TSNARE1: variants seen among roughly 807,000 people sequenced by gnomAD.
TSNARE1 encodes t-SNARE domain containing 1.
Under a neutral mutation model 62.0 loss-of-function variants are expected in TSNARE1, and 49 were observed. The ratio of observed to expected loss-of-function variants is 0.79; its 90% CI spans 0.63 to 1.00. TSNARE1 has a LOEUF of 1.00. Among genes scored for constraint, TSNARE1 ranks in the 50% least tolerant of loss-of-function variants. The pLI is 0.00. For synonymous variants in TSNARE1, 328 were observed against 294.4 expected, an observed-to-expected ratio of 1.11 and a Z score of -1.17; for missense variants, 755 against 700.1, an observed-to-expected ratio of 1.08 and a Z score of -0.88.
intron 13 of TSNARE1, among the ~76,000 whole-genome samples, chr8:142,220,770 CA>C (rs779355902): frequency 1.3e-5 from 2 of 152,220 alleles, no homozygotes; most frequent in Admixed American, 6.5e-5. Context: ...CAGTGCAGCC[CA>C]CCAGGTCTCA....
rs777258432 is a variant in TSNARE1 at position 142,344,214 on chromosome 8, C to T, written c.497G>A (p.Arg166His). The T allele has an allele frequency of 9.3e-6, 15 of 1,613,412 alleles. No homozygotes were observed. Among genetic ancestry groups the T allele is most frequent in the Admixed American group, 1.7e-5 (1 of 60,002 alleles). ...CAGCGCATTCACGGCCTGCAGGATGCGGCTCCACACGCGGTACCTGCGAGT... is the reference window on the plus strand; with the variant it reads ...CAGCGCATTCACGGCCTGCAGGATGTGGCTCCACACGCGGTACCTGCGAGT... Reference protein sequence around the residue: ...EPTRRYRVWSRILQAVNALGY... With the variant: ...EPTRRYRVWSHILQAVNALGY... Residue 166 changes from arginine (R) to histidine (H), a missense_variant, in exon 4 of 14, where the codon CGC (arginine) becomes CAC (histidine). By Grantham distance (29) the Arg-to-His change is conservative. Transcript: ENST00000524325.
At chr8:142,394,702 C>G (rs538198912) in intron 1 of TSNARE1, among the ~76,000 whole-genome samples, 1 of 152,302 alleles carries the variant, frequency 6.6e-6, no homozygotes, top group South Asian at 2.1e-4. Flanking sequence ...AAACAACTCC[C>G]ACCTCCCTGC....
intron 10 of TSNARE1, among the ~76,000 whole-genome samples, chr8:142,296,800 C>T (rs1013524948): frequency 6.6e-6 from 1 of 151,598 alleles, no homozygotes; most frequent in Non-Finnish European, 1.5e-5. Context: ...CTCGGCGGTC[C>T]CCACAGGCTC....
chr8:142,226,348 G>A (rs1053305595), intron 13 of TSNARE1, among the ~76,000 whole-genome samples: 1 of 152,154 alleles, frequency 6.6e-6, no homozygotes, highest in African/African-American at 2.4e-5. Flanking sequence ...TCACAGAGGC[G>A]ACACTGGCAG....
At chr8:142,367,794 G>A (rs1315590564) in intron 1 of TSNARE1, among the ~76,000 whole-genome samples, 3 of 152,096 alleles carry the variant, frequency 2.0e-5, no homozygotes, top group South Asian at 2.1e-4. Context: ...ATAGAGCCAC[G>A]TACACATGGA....
At chr8:142,278,438 C>T (rs920056731) in intron 11 of TSNARE1, 15 of 985,372 alleles carry the variant, frequency 1.5e-5, no homozygotes, top group Admixed American at 1.2e-4. Context: ...TCCGGGGCTT[C>T]GTTCCCAAAG....
At chr8:142,218,345 T>C (rs1170638475) in intron 13 of TSNARE1, among the ~76,000 whole-genome samples, 2 of 134,182 alleles carry the variant, frequency 1.5e-5, no homozygotes, top group Non-Finnish European at 1.6e-5. Context: ...GTGTCCACCC[T>C]GGAGAGCTGC....
chr8:142,239,661 G>A (rs898190162), intron 12 of TSNARE1, among the ~76,000 whole-genome samples: 3 of 152,244 alleles, frequency 2.0e-5, no homozygotes, highest in Non-Finnish European at 4.4e-5. Context: ...GGACTTAACA[G>A]GAAGCGTTAA....
At chr8:142,324,125 T>C (rs1309346693) in intron 6 of TSNARE1, among the ~76,000 whole-genome samples, 1 of 152,148 alleles carries the variant, frequency 6.6e-6, no homozygotes, top group Non-Finnish European at 1.5e-5. Flanking sequence ...ATAAGACCCA[T>C]TTGTCACCTC....
Position 142,291,421 on chromosome 8 carries a change from C to A in TSNARE1, c.1291-6936G>T, listed in dbSNP as rs1228302183. On this transcript the variant is annotated intron_variant, in intron 10 of 13. Coordinates refer to ENST00000524325, the MANE Select transcript of TSNARE1 (RefSeq NM_145003.5). This position sits in a 1 kb window ranked among gnomAD's most constrained non-coding sequence, Gnocchi z 4.8. ...CACTCTCACAGAGCTCTGGTGTGGG[C>A]TGAGACACATATAAATAATGTCAGC... Among the ~76,000 whole-genome samples the A allele has an allele frequency of 6.6e-6, 1 of 152,148 alleles. No homozygotes were observed. Among genetic ancestry groups the A allele is most frequent in the Non-Finnish European group, 1.5e-5 (1 of 68,048 alleles).
chr8:142,293,444 C>T (rs1378404348), intron 10 of TSNARE1, among the ~76,000 whole-genome samples: 8 of 152,252 alleles, frequency 5.3e-5, no homozygotes, highest in African/African-American at 1.7e-4. Flanking sequence ...TACACTCCAC[C>T]GTGGCACTTT....
intron 1 of TSNARE1, among the ~76,000 whole-genome samples, chr8:142,396,862 A>G (rs1046694715): frequency 6.6e-6 from 1 of 152,228 alleles, no homozygotes; most frequent in Non-Finnish European, 1.5e-5. Context: ...TTATAATCAG[A>G]ATCCAAGACA....
At chr8:142,268,669 T>C (rs1041893799) in intron 12 of TSNARE1, among the ~76,000 whole-genome samples, 1 of 152,212 alleles carries the variant, frequency 6.6e-6, no homozygotes, top group Non-Finnish European at 1.5e-5. Context: ...GGCATCTGAC[T>C]AACTCCCAGT....
intron 12 of TSNARE1, 60 bp from the exon 13 acceptor site, chr8:142,229,639 G>A: frequency 1.3e-6 from 2 of 1,528,446 alleles, no homozygotes; most frequent in South Asian, 1.1e-5. Context: ...ATCCTCAGGG[G>A]CATTTGGCTT....
At chr8:142,309,448 C>CAA (rs1827233287) in intron 9 of TSNARE1, among the ~76,000 whole-genome samples, 1 of 152,290 alleles carries the variant, frequency 6.6e-6, no homozygotes, top group Admixed American at 6.5e-5. Context: ...CCTAGTTTGC[C>CAA]AAGAGTTTTT....
At chr8:142,363,312 A>G (rs1835299982) in intron 1 of TSNARE1, among the ~76,000 whole-genome samples, 2 of 152,132 alleles carry the variant, frequency 1.3e-5, no homozygotes, top group African/African-American at 4.8e-5. Context: ...TGCCCTCTGT[A>G]AGAAAATGTC....
Position 142,344,042 on chromosome 8 carries a change from G to C in TSNARE1, c.669C>G (p.Pro223=). 6.3e-7 allele frequency: 1 copy of C among 1,586,412 alleles called. No individual in the cohort carries two copies. Among genetic ancestry groups the C allele is most frequent in the Non-Finnish European group, 8.6e-7 (1 of 1,164,098 alleles). ...SGKPQALALT[P]VEQVVAKTFS... Reference sequence around the variant, plus strand: ...AGGTCTTGGCCACCACCTGCTCCACGGGCGTGAGAGCCAGGGCCTGGGGCT... The same window carrying C: ...AGGTCTTGGCCACCACCTGCTCCACCGGCGTGAGAGCCAGGGCCTGGGGCT... Residue 223 remains proline (P), a synonymous_variant, in exon 4 of 14, where the codon CCC becomes CCG. Transcript: ENST00000524325.
intron 12 of TSNARE1, among the ~76,000 whole-genome samples, chr8:142,254,492 T>C (rs1049804931): frequency 3.9e-5 from 6 of 152,222 alleles, no homozygotes; most frequent in African/African-American, 1.4e-4. Flanking sequence ...GCAGCGCCTC[T>C]GTACACAGCA....
intron 1 of TSNARE1, among the ~76,000 whole-genome samples, chr8:142,387,412 T>C (rs1473984201): frequency 6.6e-6 from 1 of 152,112 alleles, no homozygotes; most frequent in African/African-American, 2.4e-5. Context: ...GGATTATTAT[T>C]AGCAAAAACA....
Sources: allele counts gnomAD v4.1 joint callset (sites outside exome capture counted in the v4.1 genomes callset), GRCh38; gene constraint gnomAD v4.1.1; non-coding constraint Gnocchi (gnomAD v3.1); transcripts MANE v1.5; gene names NCBI Gene and HGNC (gene_info 2026-07-23, HGNC 2026-07-21).